Variants in MAP4K4 observed in about 807,000 individuals in gnomAD.
MAP4K4 encodes HPK/GCK-like kinase HGK.
In MAP4K4, 38 loss-of-function variants were observed where a neutral mutation model predicts 189.6. That is an observed-to-expected ratio of 0.20 (90% confidence interval 0.15 to 0.26). The LOEUF (loss-of-function observed/expected upper bound fraction) is 0.26. Ranked by LOEUF, MAP4K4 falls within the 10% of genes least tolerant of loss-of-function variation. MAP4K4 has a pLI of 1.00. For synonymous variants in MAP4K4, 610 were observed against 624.3 expected (o/e 0.98, Z 0.34); for missense variants, 1,054 against 1,726.9 (o/e 0.61, Z 6.91).
intron 2 of MAP4K4, among the ~76,000 whole-genome samples, chr2:101,710,099 T>C (rs1444942901): frequency 6.6e-6 from 1 of 152,170 alleles, no homozygotes; most frequent in Admixed American, 6.5e-5. Context: ...TTTTGAGAGG[T>C]ATGTCAAAGA....
intron 23 of MAP4K4, among the ~76,000 whole-genome samples, chr2:101,870,868 C>T (rs545310026): frequency 5.9e-5 from 9 of 152,240 alleles, no homozygotes; most frequent in South Asian, 4.1e-4. Flanking sequence ...CCCAGAGACT[C>T]GGAGAGCAGA....
chr2:101,784,932 T>A (rs2089890589), intron 2 of MAP4K4, among the ~76,000 whole-genome samples: 1 of 152,168 alleles, frequency 6.6e-6, no homozygotes, highest in Non-Finnish European at 1.5e-5. Flanking sequence ...AGGATAATGA[T>A]ACTTGCATTG....
chr2:101,727,932 G>A (rs1446425670), intron 2 of MAP4K4, among the ~76,000 whole-genome samples: 2 of 152,172 alleles, frequency 1.3e-5, no homozygotes, highest in African/African-American at 2.4e-5. Context: ...TCACGCCACC[G>A]CACTCCAGCC....
At chr2:101,858,896 C>T (rs1196949950) in intron 13 of MAP4K4, 100 bp from the exon 14 acceptor site, 1 of 791,636 alleles carries the variant, frequency 1.3e-6, no homozygotes, top group Non-Finnish European at 2.1e-6. Flanking sequence ...TGAATTGTCA[C>T]TAAAGGTGAT....
Position 101,698,133 on chromosome 2 carries a change from T to TGCGGGTGAGTGGGCCCGCGA in MAP4K4, c.57+2_57+21dup, listed in dbSNP as rs1463611072. On this transcript the variant is annotated frameshift_variant, in exon 1 of 33. Coordinates refer to ENST00000324219, the Ensembl canonical transcript of MAP4K4. LOFTEE classifies it high-confidence loss of function. Reference sequence around the variant, plus strand: ...CTGGTGGACATCGACCTCTCCTCCCTGCGGGTGAGTGGGCCCGCGAGCGGG... The same window carrying TGCGGGTGAGTGGGCCCGCGA: ...CTGGTGGACATCGACCTCTCCTCCCTGCGGGTGAGTGGGCCCGCGAGCGGGTGAGTGGGCCCGCGAGCGGG... 8.1e-7 allele frequency: 1 copy of TGCGGGTGAGTGGGCCCGCGA among 1,237,404 alleles called. No homozygotes were observed. Among genetic ancestry groups the TGCGGGTGAGTGGGCCCGCGA allele is most frequent in the Non-Finnish European group, 1.0e-6 (1 of 952,474 alleles). The allele number at this position is 1,237,404 out of a possible 1,614,324, so 76.7% of individuals were successfully genotyped here. A position where few individuals can be genotyped will look rare whatever the true frequency, so the allele number is the denominator to read the frequency against.
chr2:101,860,886 G>T, exon 16 of MAP4K4: 1 of 1,609,074 alleles, frequency 6.2e-7, no homozygotes, highest in Non-Finnish European at 8.5e-7. Context: ...AAGCAGACAG[G>T]CAGAGTATTG....
chr2:101,879,195 C>CAAAA (rs61482872), intron 27 of MAP4K4, among the ~76,000 whole-genome samples: 1 of 67,442 alleles, frequency 1.5e-5, no homozygotes, highest in African/African-American at 6.2e-5. Context: ...AGCCTGTCTC[C>CAAAA]AAAAAAAAAA....
intron 3 of MAP4K4, among the ~76,000 whole-genome samples, chr2:101,809,540 G>A (rs189274648): frequency 9.9e-5 from 15 of 152,272 alleles, no homozygotes; most frequent in African/African-American, 1.7e-4. Context: ...AAAGGAAGCA[G>A]CATATTACTT....
chr2:101,873,480 A>G (rs1010149397), intron 24 of MAP4K4, among the ~76,000 whole-genome samples, 167 bp from the exon 25 acceptor site: 4 of 152,174 alleles, frequency 2.6e-5, no homozygotes, highest in Non-Finnish European at 5.9e-5. Flanking sequence ...GAGGGGTGCT[A>G]TGCCACGTGG....
intron 3 of MAP4K4, among the ~76,000 whole-genome samples, chr2:101,807,983 T>A (rs1288436359): frequency 6.6e-6 from 1 of 152,242 alleles, no homozygotes; most frequent in African/African-American, 2.4e-5. Flanking sequence ...GATTACAGTT[T>A]GACCTGAGAT....
At chr2:101,765,259 TG>T (rs891873573) in intron 2 of MAP4K4, among the ~76,000 whole-genome samples, 2 of 152,138 alleles carry the variant, frequency 1.3e-5, no homozygotes, top group Non-Finnish European at 2.9e-5. Flanking sequence ...TTGTGGATAT[TG>T]GGTAATACAA....
chr2:101,835,825 A>G (rs926900119), intron 8 of MAP4K4, 75 bp from the exon 9 acceptor site: 15 of 989,418 alleles, frequency 1.5e-5, no homozygotes, highest in Non-Finnish European at 1.9e-5. Context: ...ATTTCATGTT[A>G]TTTATGACTG....
chr2:101,888,743 T>C, intron 31 of MAP4K4, 53 bp from the exon 32 acceptor site: 1 of 1,426,568 alleles, frequency 7.0e-7, no homozygotes, highest in African/African-American at 1.4e-5. Context: ...GCAACATCTT[T>C]TCAGGGCTGT....
chr2:101,705,903 A>G (rs980609040), intron 2 of MAP4K4, among the ~76,000 whole-genome samples: 3 of 152,200 alleles, frequency 2.0e-5, no homozygotes, highest in African/African-American at 7.2e-5. Context: ...TTACAGCTTT[A>G]TGCTTTAGTG....
intron 5 of MAP4K4, among the ~76,000 whole-genome samples, chr2:101,828,448 G>A (rs913751834): frequency 6.6e-6 from 1 of 152,188 alleles, no homozygotes; most frequent in Non-Finnish European, 1.5e-5. Context: ...GTGCTTTGCG[G>A]TATAATACCG....
chr2:101,754,306 A>G (rs919484211), intron 2 of MAP4K4, among the ~76,000 whole-genome samples: 8 of 142,972 alleles, frequency 5.6e-5, no homozygotes, highest in Non-Finnish European at 1.1e-4. Context: ...TATTCACGGT[A>G]TATTAGAGGC....
Position 101,834,500 on chromosome 2 carries a change from C to T in MAP4K4, c.694+37C>T, listed in dbSNP as rs749295667. 7.8e-6 allele frequency: 12 copies of T among 1,548,140 alleles called. No homozygotes were observed. In the East Asian group the frequency reaches 2.3e-4, roughly 29 times the overall value. On this transcript the variant is annotated intron_variant, in intron 8 of 32. Coordinates refer to ENST00000324219, the Ensembl canonical transcript of MAP4K4. Reference sequence around the variant, plus strand: ...TCTTTTCTTTTTAGCTCACTTGTTACATGTGACTTAAACCCCTCCCAAGAC... The same window carrying T: ...TCTTTTCTTTTTAGCTCACTTGTTATATGTGACTTAAACCCCTCCCAAGAC...
At chr2:101,762,835 G>A (rs1279914993) in intron 2 of MAP4K4, among the ~76,000 whole-genome samples, 1 of 152,114 alleles carries the variant, frequency 6.6e-6, no homozygotes, top group African/African-American at 2.4e-5. Flanking sequence ...ATTGGAACTG[G>A]GAGAGGAAAG....
chr2:101,752,097 G>A (rs1161292381), intron 2 of MAP4K4, among the ~76,000 whole-genome samples: 1 of 152,140 alleles, frequency 6.6e-6, no homozygotes, highest in Middle Eastern at 3.2e-3. Flanking sequence ...GCTTAACGGT[G>A]TTTCAGTTCC....
Sources: gnomAD v4.1 joint callset for allele counts (sites outside exome capture counted in the v4.1 genomes callset) on GRCh38, gnomAD v4.1.1 for gene constraint, MANE v1.5 for transcripts, NCBI Gene and HGNC (gene_info 2026-07-23, HGNC 2026-07-21) for gene names.